The following RNASEH2B variants were observed in gnomAD, a reference collection of about 807,000 sequenced individuals.
RNASEH2B encodes ribonuclease H2 subunit B.
A neutral mutation model predicts 45.0 loss-of-function variants in RNASEH2B; 36 were observed. The observed-to-expected ratio is 0.80, with a 90% CI of 0.61 to 1.06. The LOEUF is 1.06. RNASEH2B is among the 50% of genes least tolerant of loss of function. The pLI is 0.00. For synonymous variants in RNASEH2B, 119 were observed against 125.7 expected, an observed-to-expected ratio of 0.95 and a Z score of 0.35; for missense variants, 361 against 360.3, an observed-to-expected ratio of 1.00 and a Z score of -0.02.
chr13:50,948,039 A>G lies in RNASEH2B; in HGVS notation c.669A>G (p.Glu223=). 1 of 1,611,754 alleles carries G rather than the reference A, an allele frequency of 6.2e-7. No individual in the cohort carries two copies. Among genetic ancestry groups the G allele is most frequent in the Non-Finnish European group, 8.5e-7 (1 of 1,179,282 alleles). ...HGLISDYIPK[E]LSDDLSKYLK... ...TGATATCTGACTACATCCCTAAAGA[A>G]TTAAGTGATGACTTATCTAAATACT... Residue 223 remains glutamate, a synonymous_variant, in exon 8 of 11, where the codon GAA becomes GAG. Coordinates refer to ENST00000336617, the MANE Select transcript of RNASEH2B (RefSeq NM_024570.4).
At chr13:50,964,511 AT>A (rs1057445283) in intron 9 of RNASEH2B, among the ~76,000 whole-genome samples, 1 of 152,148 alleles carries the variant, frequency 6.6e-6, no homozygotes, top group Non-Finnish European at 1.5e-5. Flanking sequence ...AGCTCAAAAG[AT>A]GAGAGGAGGA....
intron 1 of RNASEH2B, among the ~76,000 whole-genome samples, chr13:50,924,608 G>C (rs139471393): frequency 6.6e-6 from 1 of 152,318 alleles, no homozygotes; most frequent in Non-Finnish European, 1.5e-5. Flanking sequence ...ACCCAGGCTG[G>C]AGTACAGTGG....
At chr13:50,957,075 A>G (rs886718005), downstream of RNASEH2B, among the ~76,000 whole-genome samples, 4 of 151,632 alleles carry the variant, frequency 2.6e-5, no homozygotes, top group African/African-American at 9.7e-5. Flanking sequence ...AAGGAATTAC[A>G]GTTACTTTGT....
chr13:50,927,086 T>C (rs1354335082), intron 1 of RNASEH2B: 3 of 320,156 alleles, frequency 9.4e-6, no homozygotes, highest in South Asian at 5.8e-5. Context: ...ATAAATGGCA[T>C]TTGAGACAGG....
chr13:50,932,075 C>T (rs978215653), intron 4 of RNASEH2B, among the ~76,000 whole-genome samples: 26 of 152,058 alleles, frequency 1.7e-4, no homozygotes, highest in Admixed American at 3.3e-4. Context: ...TTCTACAATT[C>T]TAATTTTTGC....
chr13:50,912,121 AAG>A (rs1172999111), intron 1 of RNASEH2B: 2 of 152,306 alleles, frequency 1.3e-5, no homozygotes, highest in Admixed American at 6.5e-5. Context: ...AACTGCTAGA[AAG>A]AGCTGTGTGG....
At chr13:50,954,231 T>G (rs1952015151) in intron 10 of RNASEH2B, 1 of 606,274 alleles carries the variant, frequency 1.6e-6, no homozygotes, top group Non-Finnish European at 2.9e-6. Context: ...AATTTTGCTA[T>G]GTATTCATAG....
At chr13:50,964,264 G>C (rs1176958058) in intron 9 of RNASEH2B, among the ~76,000 whole-genome samples, 1 of 152,154 alleles carries the variant, frequency 6.6e-6, no homozygotes, top group Non-Finnish European at 1.5e-5. Flanking sequence ...TTTGAGAGTA[G>C]TAGCCAGTTT....
chr13:50,947,635 A>G (rs1254945996), intron 7 of RNASEH2B, among the ~76,000 whole-genome samples: 1 of 152,106 alleles, frequency 6.6e-6, no homozygotes, highest in African/African-American at 2.4e-5. Flanking sequence ...ACTATTTCAT[A>G]TTGTTGTAGA....
At chr13:50,911,252 T>C (rs977772408) in intron 1 of RNASEH2B, 4 of 152,226 alleles carry the variant, frequency 2.6e-5, no homozygotes, top group Admixed American at 2.0e-4. Flanking sequence ...GAGTGTACCC[T>C]TTGTGTCTGG....
chr13:50,910,240 C>CG, intron 1 of RNASEH2B, 100 bp downstream of exon 1: 1 of 754,912 alleles, frequency 1.3e-6, no homozygotes, highest in African/African-American at 1.9e-5. Context: ...TCCCACTACC[C>CG]GGCCCGGCGC....
At chr13:50,934,837 T>C (rs372326476) in intron 4 of RNASEH2B, 48 bp from the exon 5 acceptor site, 2 of 1,284,620 alleles carry the variant, frequency 1.6e-6, no homozygotes, top group African/African-American at 2.9e-5. Context: ...TTTTTCTGAA[T>C]GTCTTTGTTG....
At chr13:50,962,297 A>G (rs1406313176) in intron 9 of RNASEH2B, among the ~76,000 whole-genome samples, 2 of 152,154 alleles carry the variant, frequency 1.3e-5, no homozygotes, top group African/African-American at 2.4e-5. Flanking sequence ...GCTTCCTTAT[A>G]TGTCGGACAC....
intron 1 of RNASEH2B, 135 bp from the exon 2 acceptor site, chr13:50,927,272 A>G (rs1951610272): frequency 3.1e-6 from 2 of 635,518 alleles, no homozygotes; most frequent in Admixed American, 2.3e-5. Context: ...CAAGATCACA[A>G]CATTTGTAAG....
At chr13:50,958,617 A>G, downstream of RNASEH2B, among the ~76,000 whole-genome samples, 1 of 152,110 alleles carries the variant, frequency 6.6e-6, no homozygotes, top group East Asian at 1.9e-4. Flanking sequence ...GTTATTTTCT[A>G]ATTCTGTGAA....
At chr13:50,924,311 A>G (rs1478087993) in intron 1 of RNASEH2B, among the ~76,000 whole-genome samples, 1 of 152,250 alleles carries the variant, frequency 6.6e-6, no homozygotes, top group Non-Finnish European at 1.5e-5. Flanking sequence ...CTTTAAATTT[A>G]ACAACAAAAA....
intron 1 of RNASEH2B, chr13:50,915,340 CT>C: frequency 2.5e-6 from 1 of 398,230 alleles, no homozygotes; most frequent in Non-Finnish European, 4.4e-6. Flanking sequence ...TCCGTCTTGA[CT>C]TTGTGTCTGC....
chr13:50,966,835 G>A (rs1419103326), intron 9 of RNASEH2B, among the ~76,000 whole-genome samples: 1 of 152,118 alleles, frequency 6.6e-6, no homozygotes, highest in Non-Finnish European at 1.5e-5. Flanking sequence ...CTTACTAAAT[G>A]TACAGTGTTG....
At chr13:50,955,737 T>C (rs1025549054) in intron 10 of RNASEH2B, 4 of 152,278 alleles carry the variant, frequency 2.6e-5, no homozygotes, top group Non-Finnish European at 4.4e-5. Flanking sequence ...ATTTACCTTC[T>C]GCAAGTGCTT....
Sources: gnomAD v4.1 joint callset for allele counts (sites outside exome capture counted in the v4.1 genomes callset) on GRCh38, gnomAD v4.1.1 for gene constraint, MANE v1.5 for transcripts, NCBI Gene and HGNC (gene_info 2026-07-23, HGNC 2026-07-21) for gene names.